Variants in SEPTIN11 observed in about 807,000 individuals in gnomAD.
The protein encoded by SEPTIN11 is septin 11.
Under a neutral mutation model 51.4 loss-of-function variants are expected in SEPTIN11, and 25 were observed. The ratio of observed to expected loss-of-function variants is 0.49; its 90% CI spans 0.35 to 0.68. SEPTIN11 has a LOEUF of 0.68. Ranked by LOEUF, SEPTIN11 falls within the 30% of genes least tolerant of loss-of-function variation. SEPTIN11 has a pLI of 0.00. For missense variants in SEPTIN11, 381 were observed against 520.8 expected (o/e 0.73, Z 2.61); for synonymous variants, 174 against 184.1 (o/e 0.95, Z 0.44).
intron 5 of SEPTIN11, among the ~76,000 whole-genome samples, chr4:77,016,631 CACATATAT>C (rs1217894521): frequency 2.6e-4 from 6 of 22,718 alleles, no homozygotes; most frequent in Admixed American, 5.4e-4. Flanking sequence ...TATATATATA[CACATATAT>C]ATATATATAT....
intron 1 of SEPTIN11, among the ~76,000 whole-genome samples, chr4:76,951,280 G>A (rs1294221918): frequency 6.6e-6 from 1 of 152,144 alleles, no homozygotes; most frequent in African/African-American, 2.4e-5. Flanking sequence ...TTTCAAAGAC[G>A]TTTTCTGCAG....
chr4:76,971,081 T>G (rs1722217277), intron 1 of SEPTIN11, among the ~76,000 whole-genome samples: 1 of 152,216 alleles, frequency 6.6e-6, no homozygotes, highest in South Asian at 2.1e-4. Flanking sequence ...TGTATGTATA[T>G]CTTACATAAA....
rs760752982 is a variant in SEPTIN11 at position 77,030,899 on chromosome 4, G to A, written c.1203G>A (p.Ala401=). 1.9e-5 allele frequency: 30 copies of A among 1,613,450 alleles called. No homozygotes were observed. Among genetic ancestry groups the A allele is most frequent in the Admixed American group, 8.4e-5 (5 of 59,838 alleles). ...EVNNFQKKKA[A]AQLLQSQAQQ... ...ACAACTTCCAGAAGAAGAAAGCAGCGGCTCAGTTACTACAGTCCCAGGCCC... is the reference window on the plus strand; with the variant it reads ...ACAACTTCCAGAAGAAGAAAGCAGCAGCTCAGTTACTACAGTCCCAGGCCC... Residue 401 remains alanine, a synonymous_variant, in exon 9 of 10, where the codon GCG becomes GCA. Coordinates refer to ENST00000264893, the MANE Select transcript of SEPTIN11 (RefSeq NM_018243.4).
At chr4:76,961,083 A>G (rs535045513) in intron 1 of SEPTIN11, among the ~76,000 whole-genome samples, 16 of 152,172 alleles carry the variant, frequency 1.1e-4, no homozygotes, top group Non-Finnish European at 1.9e-4. Context: ...CTCAACCTCC[A>G]TGACTGGGAG....
intron 3 of SEPTIN11, 43 bp downstream of exon 3, chr4:77,005,839 T>C (rs375812706): frequency 1.5e-5 from 23 of 1,556,872 alleles, no homozygotes; most frequent in Non-Finnish European, 1.9e-5. Context: ...GATGAGGAGA[T>C]AGCAGGATCC....
intron 1 of SEPTIN11, among the ~76,000 whole-genome samples, chr4:76,988,676 C>G (rs1172785343): frequency 6.6e-6 from 1 of 152,152 alleles, no homozygotes; most frequent in East Asian, 1.9e-4. Flanking sequence ...GCGCCCAGCC[C>G]TAGGTTTTGT....
At chr4:76,992,007 G>A (rs552860850) in intron 1 of SEPTIN11, among the ~76,000 whole-genome samples, 1 of 152,312 alleles carries the variant, frequency 6.6e-6, no homozygotes, top group South Asian at 2.1e-4. Context: ...ATTTCAAGAT[G>A]GAGTGGGCTA....
chr4:76,973,908 G>A (rs1029965132), intron 1 of SEPTIN11, among the ~76,000 whole-genome samples: 5 of 152,108 alleles, frequency 3.3e-5, no homozygotes, highest in African/African-American at 4.8e-5. Flanking sequence ...TTTCCAGAGC[G>A]GTGGTCCTGG....
intron 1 of SEPTIN11, chr4:76,974,808 G>A (rs1226540686): frequency 4.4e-6 from 2 of 456,658 alleles, no homozygotes; most frequent in Non-Finnish European, 8.8e-6. Context: ...ATATTTTATG[G>A]TAAGCTACCC....
chr4:77,030,739 G>T, intron 8 of SEPTIN11, 44 bp from the exon 9 acceptor site: 3 of 1,541,648 alleles, frequency 1.9e-6, no homozygotes, highest in Non-Finnish European at 2.6e-6. Flanking sequence ...ACATCAAAAG[G>T]ATTTTCATTC....
At chr4:77,016,633 C>CACACATATATATATATATATATATATAT (rs1375044162) in intron 5 of SEPTIN11, among the ~76,000 whole-genome samples, 2 of 72,746 alleles carry the variant, frequency 2.7e-5, no homozygotes, top group South Asian at 4.2e-4. Context: ...TATATATACA[C>CACACATATATATATATATATATATATAT]ATATATATAT....
At chr4:76,969,210 T>A (rs1722146557) in intron 1 of SEPTIN11, among the ~76,000 whole-genome samples, 1 of 152,152 alleles carries the variant, frequency 6.6e-6, no homozygotes, top group Non-Finnish European at 1.5e-5. Context: ...CATATGTAGT[T>A]CTTAATATTA....
chr4:76,951,424 C>A (rs1230248172), intron 1 of SEPTIN11, among the ~76,000 whole-genome samples: 1 of 152,028 alleles, frequency 6.6e-6, no homozygotes, highest in Non-Finnish European at 1.5e-5. Flanking sequence ...AATTAGTGGT[C>A]ACATGTAGGT....
chr4:76,985,058 C>A (rs1722955165), intron 1 of SEPTIN11: 1 of 152,204 alleles, frequency 6.6e-6, no homozygotes, highest in South Asian at 2.1e-4. Flanking sequence ...TGGAGTACTG[C>A]AGAATCTGTA....
intron 7 of SEPTIN11, among the ~76,000 whole-genome samples, chr4:77,028,089 C>T (rs2109981555): frequency 6.6e-6 from 1 of 152,236 alleles, no homozygotes; most frequent in East Asian, 1.9e-4. Flanking sequence ...TTACTGGGCA[C>T]TGACTATATG....
chr4:77,005,690 G>A lies in SEPTIN11; in HGVS notation c.232G>A (p.Val78Ile), dbSNP rs1300009762. The A allele has an allele frequency of 1.2e-6, 2 of 1,613,958 alleles. No individual in the cohort carries two copies. The highest frequency in any genetic ancestry group is 1.3e-5 in the African/African-American group (1 of 74,904). Reference sequence around the variant, plus strand: ...CCCAGCTACTCACAATGAACCAGGTGTTCGGTTAAAAGCCAGAAGTTATGA... The same window carrying A: ...CCCAGCTACTCACAATGAACCAGGTATTCGGTTAAAAGCCAGAAGTTATGA... ...SDPATHNEPG[V>I]RLKARSYELQ... Residue 78 changes from valine to isoleucine, a missense_variant, in exon 3 of 10, where the codon GTT (valine) becomes ATT (isoleucine). Val to Ile is a conservative substitution (Grantham distance 29). Coordinates refer to ENST00000264893, the MANE Select transcript of SEPTIN11 (RefSeq NM_018243.4).
At position 77,030,661 on chromosome 4, in the gene SEPTIN11, C is replaced by G. The variant is rs1050627540; in HGVS notation, c.1087-122C>G. On this transcript the variant is annotated intron_variant, in intron 8 of 9. Transcript: ENST00000264893. ...CCACCCACCTCGGCCTCCCAAAGTGCTGAAATTACAGGCGTGAGCCACCGT... is the reference window on the plus strand; with the variant it reads ...CCACCCACCTCGGCCTCCCAAAGTGGTGAAATTACAGGCGTGAGCCACCGT... 5.3e-5 allele frequency: 45 copies of G among 856,930 alleles called. No individual in the cohort carries two copies. The African/African-American group carries it at 6.8e-4, about 13-fold the overall frequency. The allele number at this position is 856,930 out of a possible 1,614,324, so 53.1% of individuals were successfully genotyped here.
chr4:77,010,741 T>C (rs1386113215), intron 3 of SEPTIN11, among the ~76,000 whole-genome samples: 3 of 152,214 alleles, frequency 2.0e-5, no homozygotes, highest in African/African-American at 7.2e-5. Flanking sequence ...TCTTAAAACT[T>C]GTATCTTCGG....
At chr4:77,011,984 T>A in intron 4 of SEPTIN11, 63 bp downstream of exon 4, 1 of 1,410,490 alleles carries the variant, frequency 7.1e-7, no homozygotes, top group Non-Finnish European at 9.8e-7. Flanking sequence ...CCTAATGCCC[T>A]AATTTGTTCT....
Sources: allele counts gnomAD v4.1 joint callset (sites outside exome capture counted in the v4.1 genomes callset), GRCh38; gene constraint gnomAD v4.1.1; transcripts MANE v1.5; gene names NCBI Gene and HGNC (gene_info 2026-07-23, HGNC 2026-07-21).